Variants in EPB41L5 observed in about 807,000 individuals in gnomAD.
EPB41L5 encodes the protein band 4.1-like protein 5.
EPB41L5 carries 55 observed loss-of-function variants against 106.6 expected under a neutral mutation model. The ratio of observed to expected loss-of-function variants is 0.52; its 90% confidence interval spans 0.42 to 0.65. The LOEUF is 0.65. Among genes scored for constraint, EPB41L5 ranks in the 30% least tolerant of loss-of-function variants. EPB41L5 has a pLI of 0.00. For synonymous variants in EPB41L5, 297 were observed against 306.7 expected, an observed-to-expected ratio of 0.97 and a Z score of 0.33; for missense variants, 871 against 882.1, an observed-to-expected ratio of 0.99 and a Z score of 0.16.
chr2:120,070,614 C>T (rs1044982287), intron 3 of EPB41L5, among the ~76,000 whole-genome samples: 18 of 152,258 alleles, frequency 1.2e-4, no homozygotes, highest in South Asian at 1.0e-3. Flanking sequence ...CTGAATCCAG[C>T]GGCACATCAG....
intron 1 of EPB41L5, among the ~76,000 whole-genome samples, chr2:120,016,360 G>T (rs1677527629): frequency 6.6e-6 from 1 of 151,936 alleles, no homozygotes; most frequent in Non-Finnish European, 1.5e-5. Context: ...AACCCGGCAG[G>T]TGGAGGTTGC....
chr2:120,071,154 G>A (rs891124720), intron 3 of EPB41L5, among the ~76,000 whole-genome samples: 1 of 152,238 alleles, frequency 6.6e-6, no homozygotes, highest in South Asian at 2.1e-4. Context: ...AGGATACAAA[G>A]TCAATGTGCA....
Position 120,064,794 on chromosome 2 carries a change from C to A in EPB41L5, c.286-8384C>A, listed in dbSNP as rs529994957. On this transcript the variant is annotated intron_variant, in intron 3 of 24. Transcript: ENST00000263713. ...TAATATAAACTCAACTCCTAAAGAC[C>A]CTGATTCAAGGAAAACACTATCAGT... Among the ~76,000 whole-genome samples, 131 of 152,204 alleles carry A rather than the reference C, an allele frequency of 8.6e-4. 1 individual carries two copies. Among genetic ancestry groups the A allele is most frequent in the Middle Eastern group, 6.8e-3 (2 of 294 alleles).
chr2:120,104,202 GTTCA>G, intron 16 of EPB41L5: 2 of 1,535,876 alleles, frequency 1.3e-6, no homozygotes, highest in Non-Finnish European at 1.7e-6. Flanking sequence ...CCGTCATGAT[GTTCA>G]TTTTCCTGGC....
chr2:120,163,271 C>CA (rs1558915300), intron 21 of EPB41L5, among the ~76,000 whole-genome samples: 2 of 120,144 alleles, frequency 1.7e-5, no homozygotes, highest in Non-Finnish European at 1.9e-5. Flanking sequence ...CCCCCCCCCC[C>CA]CAAAAAAAGA....
At chr2:120,153,337 G>C (rs779774459) in intron 20 of EPB41L5, among the ~76,000 whole-genome samples, 1 of 152,080 alleles carries the variant, frequency 6.6e-6, no homozygotes, top group East Asian at 1.9e-4. Flanking sequence ...ATTATGGTAA[G>C]AGAAGATATG....
chr2:120,106,095 C>T lies in EPB41L5; in HGVS notation c.1337+5281C>T. ...CAGTTCATATTGAAAGTGGCCATTT[C>T]TGTATTTATAATTTGAGTTAATCAG... On this transcript the variant is annotated intron_variant, in intron 16 of 24. Coordinates refer to ENST00000263713, the MANE Select transcript of EPB41L5 (RefSeq NM_020909.4). 4 of 985,024 alleles carry T rather than the reference C, an allele frequency of 4.1e-6. No homozygotes were observed. The South Asian group carries it at 1.9e-4, about 46-fold the overall frequency. The allele number at this position is 985,024 out of a possible 1,614,324, so 61.0% of individuals were successfully genotyped here. A position where few individuals can be genotyped will look rare whatever the true frequency, so the allele number is the denominator to read the frequency against.
Position 120,052,612 on chromosome 2 carries a change from C to T in EPB41L5, c.285+10502C>T, listed in dbSNP as rs182641159. Among the ~76,000 whole-genome samples, 38 of 152,266 alleles carry T rather than the reference C, an allele frequency of 2.5e-4. No individual in the cohort carries two copies. In the East Asian group the frequency reaches 5.6e-3, roughly 22 times the overall value. On this transcript the variant is annotated intron_variant, in intron 3 of 24. Transcript: ENST00000263713. Reference sequence around the variant, plus strand: ...TTAATTTGTTGCTCAAATTTTCCCACGTATGGTCAATGGGAGCTGCTTCAA... The same window carrying T: ...TTAATTTGTTGCTCAAATTTTCCCATGTATGGTCAATGGGAGCTGCTTCAA...
chr2:120,032,675 C>G (rs924995636), intron 2 of EPB41L5, among the ~76,000 whole-genome samples: 2 of 152,132 alleles, frequency 1.3e-5, no homozygotes, highest in African/African-American at 4.8e-5. Flanking sequence ...TTGTTTTTAT[C>G]TAGGTTAACA....
chr2:120,033,278 C>T (rs950155123), intron 2 of EPB41L5, among the ~76,000 whole-genome samples: 3 of 152,154 alleles, frequency 2.0e-5, no homozygotes, highest in Admixed American at 2.0e-4. Context: ...GACTTATTTT[C>T]ATGAAATGGT....
At chr2:120,163,253 C>T (rs1687212462) in intron 21 of EPB41L5, among the ~76,000 whole-genome samples, 1 of 140,664 alleles carries the variant, frequency 7.1e-6, no homozygotes. Context: ...AGACCGTGTC[C>T]CTCTGCCCCC....
intron 16 of EPB41L5, among the ~76,000 whole-genome samples, chr2:120,125,811 C>A (rs1685436442): frequency 6.6e-6 from 1 of 152,120 alleles, no homozygotes; most frequent in East Asian, 1.9e-4. Flanking sequence ...ACTACTGTTA[C>A]AAGGTACCAC....
chr2:120,112,484 G>A (rs986196531), intron 16 of EPB41L5, among the ~76,000 whole-genome samples: 1 of 152,130 alleles, frequency 6.6e-6, no homozygotes, highest in Non-Finnish European at 1.5e-5. Context: ...TACTCAAACT[G>A]TGGAGATAAA....
chr2:120,167,611 A>T (rs1394313260), intron 23 of EPB41L5, 104 bp downstream of exon 23: 4 of 1,271,710 alleles, frequency 3.1e-6, no homozygotes, highest in Non-Finnish European at 2.3e-6. Flanking sequence ...GAGGGTTGTT[A>T]TCAAAGCCTT....
At chr2:120,098,782 C>G (rs1683938497) in intron 14 of EPB41L5, among the ~76,000 whole-genome samples, 1 of 152,214 alleles carries the variant, frequency 6.6e-6, no homozygotes, top group Non-Finnish European at 1.5e-5. Flanking sequence ...AGCAGGGCCT[C>G]TCTTCATTCT....
At chr2:120,020,815 T>TAAA (rs57155762) in intron 2 of EPB41L5, among the ~76,000 whole-genome samples, 15 of 20,202 alleles carry the variant, frequency 7.4e-4, no homozygotes, top group African/African-American at 2.0e-3. Flanking sequence ...GTAGAATTTG[T>TAAA]AAAAAAAAAA....
intron 20 of EPB41L5, among the ~76,000 whole-genome samples, chr2:120,150,828 C>T (rs1342171600): frequency 1.3e-5 from 2 of 152,082 alleles, no homozygotes; most frequent in Non-Finnish European, 1.5e-5. Context: ...TTTTCACTTT[C>T]TTAGTGATCA....
chr2:120,178,642 C>T lies in EPB41L5; in HGVS notation c.*3735C>T, dbSNP rs902303811. The T allele has an allele frequency of 7.2e-5, 11 of 152,238 alleles. No individual in the cohort carries two copies. Among genetic ancestry groups the T allele is most frequent in the African/African-American group, 2.2e-4 (9 of 41,458 alleles). 9.4% of individuals were successfully genotyped at this position (152,238 alleles called of 1,614,324 possible). A position where few individuals can be genotyped will look rare whatever the true frequency, so the allele number is the denominator to read the frequency against. ...AGAAGAAAGTTGGAAACTTTTCCTACATATTAGGCGTTAGTATGAGGACAT... is the reference window on the plus strand; with the variant it reads ...AGAAGAAAGTTGGAAACTTTTCCTATATATTAGGCGTTAGTATGAGGACAT... On this transcript the variant is annotated 3_prime_UTR_variant, in exon 25 of 25. Coordinates refer to ENST00000263713, the MANE Select transcript of EPB41L5 (RefSeq NM_020909.4).
At chr2:120,021,687 CTTA>C (rs750615843) in intron 2 of EPB41L5, among the ~76,000 whole-genome samples, 1 of 152,266 alleles carries the variant, frequency 6.6e-6, no homozygotes, top group East Asian at 1.9e-4. Context: ...TGAAATCGTA[CTTA>C]TTAACCTAAC....
Sources: gnomAD v4.1 joint callset for allele counts (sites outside exome capture counted in the v4.1 genomes callset) on GRCh38, gnomAD v4.1.1 for gene constraint, MANE v1.5 for transcripts, NCBI Gene and HGNC (gene_info 2026-07-23, HGNC 2026-07-21) for gene names.